The following TSG101 variants were observed in gnomAD, a reference collection of about 807,000 sequenced individuals.
TSG101 encodes tumor susceptibility 101.
A neutral mutation model predicts 48.5 loss-of-function variants in TSG101; 19 were observed. The observed-to-expected ratio is 0.39, with a 90% CI of 0.27 to 0.58. The LOEUF (loss-of-function observed/expected upper bound fraction) is 0.58, where lower values mean the gene tolerates loss of function less well. Ranked by LOEUF, TSG101 falls within the 20% of genes least tolerant of loss-of-function variation. The pLI is 0.55. For missense variants in TSG101, 365 were observed against 484.4 expected (o/e 0.75, Z 2.31); for synonymous variants, 174 against 169.4 (o/e 1.03, Z -0.21).
chr11:18,504,200 CAAAAAAAAAAA>C (rs933198352), intron 6 of TSG101, among the ~76,000 whole-genome samples: 1 of 43,312 alleles, frequency 2.3e-5, no homozygotes, highest in South Asian at 8.5e-4. Context: ...GCCCCCATCT[CAAAAAAAAAAA>C]AAAAAAAAAA....
In TSG101 at chr11:18,510,843, G is replaced by A. The variant is rs530357454; in HGVS notation, c.358-1178C>T. Among the ~76,000 whole-genome samples, 5 of 152,192 alleles carry A rather than the reference G, an allele frequency of 3.3e-5. No homozygotes were observed. The South Asian group carries it at 6.2e-4, about 19-fold the overall frequency. On this transcript the variant is annotated intron_variant, in intron 4 of 9. Transcript: ENST00000251968. ...AGGCTGCAGCGGGAGGATCACCTGA[G>A]CCAGGAAGGTTGAGGCTGCAGTATG...
intron 7 of TSG101, chr11:18,490,684 G>A (rs1257788836): frequency 4.5e-6 from 2 of 445,986 alleles, no homozygotes; most frequent in Non-Finnish European, 8.8e-6. Context: ...CATTGCAGAT[G>A]TCCTGCAGTT....
chr11:18,512,875 G>A (rs767085790), intron 4 of TSG101, among the ~76,000 whole-genome samples: 7 of 151,822 alleles, frequency 4.6e-5, no homozygotes, highest in African/African-American at 1.5e-4. Context: ...TTATAGACAT[G>A]TGCCATCATG....
At chr11:18,498,028 G>A (rs963661178) in intron 7 of TSG101, among the ~76,000 whole-genome samples, 2 of 148,382 alleles carry the variant, frequency 1.3e-5, no homozygotes, top group African/African-American at 4.9e-5. Flanking sequence ...CTCTTCAACA[G>A]CAAACTTCTA....
intron 7 of TSG101, among the ~76,000 whole-genome samples, chr11:18,502,143 C>T (rs2133918455): frequency 6.6e-6 from 1 of 152,330 alleles, no homozygotes; most frequent in South Asian, 2.1e-4. Context: ...CTCATATTAA[C>T]CCATTTTACT....
intron 7 of TSG101, among the ~76,000 whole-genome samples, chr11:18,500,654 C>T (rs1306903488): frequency 6.6e-6 from 1 of 151,962 alleles, no homozygotes; most frequent in Non-Finnish European, 1.5e-5. Context: ...TATTCATGTT[C>T]TTTGCCCACT....
intron 1 of TSG101, among the ~76,000 whole-genome samples, chr11:18,524,998 T>C (rs1049156654): frequency 2.0e-5 from 3 of 150,002 alleles, no homozygotes; most frequent in African/African-American, 7.4e-5. Flanking sequence ...GCAACCACCG[T>C]CTCCCAGGTT....
chr11:18,495,584 G>C (rs1048909152), intron 7 of TSG101, among the ~76,000 whole-genome samples: 1 of 151,786 alleles, frequency 6.6e-6, no homozygotes, highest in Admixed American at 6.6e-5. Context: ...GATTAAGATA[G>C]GTATAGTCAG....
intron 1 of TSG101, among the ~76,000 whole-genome samples, chr11:18,521,917 A>G (rs1053127414): frequency 1.3e-5 from 2 of 152,074 alleles, no homozygotes; most frequent in South Asian, 4.1e-4. Context: ...GACTCAAGCA[A>G]TCTGTCCACC....
intron 7 of TSG101, among the ~76,000 whole-genome samples, chr11:18,496,906 C>T (rs993587444): frequency 2.6e-5 from 4 of 152,074 alleles, no homozygotes; most frequent in African/African-American, 9.7e-5. Context: ...GCCTGGCCAA[C>T]ATGGTAAAAC....
chr11:18,500,672 G>A (rs768889703), intron 7 of TSG101, among the ~76,000 whole-genome samples: 1 of 151,914 alleles, frequency 6.6e-6, no homozygotes, highest in Non-Finnish European at 1.5e-5. Context: ...ACTTTTTAAT[G>A]GTTTGTTTTA....
chr11:18,484,705 A>T (rs1291045990), intron 7 of TSG101, among the ~76,000 whole-genome samples: 1 of 152,194 alleles, frequency 6.6e-6, no homozygotes, highest in Non-Finnish European at 1.5e-5. Context: ...CTTCCTAATC[A>T]GTATATTATA....
At chr11:18,483,522 T>TGAGGC (rs200034601) in intron 8 of TSG101, among the ~76,000 whole-genome samples, 2,434 of 151,114 alleles carry the variant, frequency 0.016, 34 homozygotes, top group Admixed American at 0.026. Flanking sequence ...GGAGTGCCTT[T>TGAGGC]TGCCTCCCAC....
intron 5 of TSG101, among the ~76,000 whole-genome samples, chr11:18,508,093 CA>C (rs200656803): frequency 0.26 from 34,004 of 131,560 alleles, 4,161 homozygotes; most frequent in African/African-American, 0.38. Context: ...GACTCTGTCT[CA>C]AAAAAAAAAA....
chr11:18,508,216 GAT>G (rs1164301127), intron 5 of TSG101, among the ~76,000 whole-genome samples: 5 of 147,672 alleles, frequency 3.4e-5, no homozygotes, highest in African/African-American at 1.2e-4. Flanking sequence ...GGAAATATTT[GAT>G]ATCTTTTTTT....
At chr11:18,493,752 G>C (rs1849731299) in intron 7 of TSG101, among the ~76,000 whole-genome samples, 1 of 152,168 alleles carries the variant, frequency 6.6e-6, no homozygotes, top group Admixed American at 6.5e-5. Context: ...CTCTGAAGAA[G>C]GAAGAACATT....
chr11:18,501,503 C>G (rs775115121), intron 7 of TSG101, among the ~76,000 whole-genome samples: 1 of 152,108 alleles, frequency 6.6e-6, no homozygotes, highest in African/African-American at 2.4e-5. Flanking sequence ...CATGCTGTTT[C>G]GGTTACTATA....
At chr11:18,508,371 T>C (rs1397187377) in intron 5 of TSG101, 1 of 151,792 alleles carries the variant, frequency 6.6e-6, no homozygotes, top group Non-Finnish European at 1.5e-5. Flanking sequence ...AATTTTGTAT[T>C]TTTAGTAGAG....
rs141441464 is a variant in TSG101 at position 18,500,867 on chromosome 11, G to A, written c.640+1619C>T. Reference sequence around the variant, plus strand: ...TGCCCAGGGTGGAGTGCAGTGGTGCGATCTCAGCTCACTGCAACCTCCACC... The same window carrying A: ...TGCCCAGGGTGGAGTGCAGTGGTGCAATCTCAGCTCACTGCAACCTCCACC... On this transcript the variant is annotated intron_variant, in intron 7 of 9. Coordinates refer to ENST00000251968, the MANE Select transcript of TSG101 (RefSeq NM_006292.4). Among the ~76,000 whole-genome samples the A allele has an allele frequency of 1.7e-3, 257 of 151,866 alleles. 2 individuals carry two copies. The highest frequency in any genetic ancestry group is 6.1e-3 in the African/African-American group (253 of 41,470).
Sources: allele counts gnomAD v4.1 joint callset (sites outside exome capture counted in the v4.1 genomes callset), GRCh38; gene constraint gnomAD v4.1.1; transcripts MANE v1.5; gene names NCBI Gene and HGNC (gene_info 2026-07-23, HGNC 2026-07-21).